The following DENND5A variants were observed in gnomAD, a reference collection of about 807,000 sequenced individuals.
The protein encoded by DENND5A is DENN domain containing 5A, also known as DENN domain-containing protein 5A.
In DENND5A, 64 loss-of-function variants were observed where a neutral mutation model predicts 140.3. That is an observed-to-expected ratio of 0.46 (90% CI 0.37 to 0.56). DENND5A has a LOEUF of 0.56. DENND5A is among the 20% of genes least tolerant of loss of function. DENND5A has a pLI of 0.00. For missense variants in DENND5A, 1,292 were observed against 1,593.8 expected (o/e 0.81, Z 3.22); for synonymous variants, 605 against 607.7 (o/e 1.00, Z 0.07).
intron 5 of DENND5A, among the ~76,000 whole-genome samples, chr11:9,182,155 A>G (rs1848753128): frequency 6.6e-6 from 1 of 152,168 alleles, no homozygotes; most frequent in Non-Finnish European, 1.5e-5. Context: ...ATCTCTGCTA[A>G]AAGTACAAAA....
At chr11:9,140,116 C>T (rs1847188264) in intron 22 of DENND5A, 2 of 1,421,384 alleles carry the variant, frequency 1.4e-6, no homozygotes, top group South Asian at 2.5e-5. Flanking sequence ...CCTAGTCAGC[C>T]CCACCACTGG....
Position 9,193,676 on chromosome 11 carries a change from G to A in DENND5A, c.955C>T (p.Gln319Ter), listed in dbSNP as rs915371303. ...FQILLYSQHY[Q>*]RLMTVAETIT... ...GTCTCCGCCACAGTCATCAGTCTCT[G>A]GTAATCTGGGTCAACAACAACAAAA... The change falls in exon 5 of 23, where the codon CAG (glutamine) becomes TAG (stop). Residue 319 changes from glutamine to a stop codon, truncating the protein, a stop_gained. Transcript: ENST00000328194. LOFTEE classifies it high-confidence loss of function. 1 of 1,604,018 alleles carries A rather than the reference G, an allele frequency of 6.2e-7. No individual in the cohort carries two copies. The highest frequency in any genetic ancestry group is 1.3e-5 in the African/African-American group (1 of 74,416).
chr11:9,154,994 C>G (rs911413259), intron 12 of DENND5A, among the ~76,000 whole-genome samples: 48 of 151,874 alleles, frequency 3.2e-4, no homozygotes, highest in African/African-American at 1.1e-3. Flanking sequence ...TACTAAAATA[C>G]AAAAATTAGG....
intron 5 of DENND5A, among the ~76,000 whole-genome samples, chr11:9,181,796 C>T (rs1366476780): frequency 6.6e-6 from 1 of 152,056 alleles, no homozygotes; most frequent in Non-Finnish European, 1.5e-5. Context: ...GTGAAAAGAA[C>T]CCTAGGAGTG....
chr11:9,246,508 AG>A (rs1215857147), intron 1 of DENND5A, among the ~76,000 whole-genome samples: 1 of 149,754 alleles, frequency 6.7e-6, no homozygotes, highest in African/African-American at 2.5e-5. Context: ...GCTACTCAGG[AG>A]GCTGAGGCAG....
At chr11:9,175,485 A>C (rs1376108303) in intron 8 of DENND5A, 1 of 152,230 alleles carries the variant, frequency 6.6e-6, no homozygotes, top group Non-Finnish European at 1.5e-5. Flanking sequence ...ATATGTATGG[A>C]AATACAAAGA....
chr11:9,178,393 T>C (rs748476011), intron 7 of DENND5A, 27 bp from the exon 8 acceptor site: 5 of 1,437,726 alleles, frequency 3.5e-6, no homozygotes, highest in Middle Eastern at 2.0e-4. Flanking sequence ...GAAGCAGTAA[T>C]TGACAGGGAA....
At chr11:9,251,049 C>T (rs915143604) in intron 1 of DENND5A, among the ~76,000 whole-genome samples, 1 of 150,974 alleles carries the variant, frequency 6.6e-6, no homozygotes, top group African/African-American at 2.4e-5. Context: ...GCAGGAGAAT[C>T]GCTTGAACCC....
At chr11:9,170,798 A>G (rs1435728419) in intron 8 of DENND5A, 21 bp from the exon 9 acceptor site, 1 of 1,604,870 alleles carries the variant, frequency 6.2e-7, no homozygotes, top group Admixed American at 1.7e-5. Context: ...ATACACACAC[A>G]CACACACACA....
intron 1 of DENND5A, among the ~76,000 whole-genome samples, chr11:9,258,563 A>G (rs1852053120): frequency 1.3e-5 from 2 of 152,122 alleles, no homozygotes; most frequent in South Asian, 4.2e-4. Context: ...TTGCTATTGC[A>G]CACACAGTAT....
At chr11:9,188,371 T>A (rs1012422751) in intron 5 of DENND5A, among the ~76,000 whole-genome samples, 33 of 152,156 alleles carry the variant, frequency 2.2e-4, no homozygotes, top group African/African-American at 7.5e-4. Context: ...ATCAGCAACA[T>A]GAGAAAAGAC....
intron 1 of DENND5A, among the ~76,000 whole-genome samples, chr11:9,210,311 T>C (rs188350426): frequency 5.9e-5 from 9 of 152,254 alleles, no homozygotes; most frequent in Admixed American, 1.3e-4. Context: ...GTTCAACACA[T>C]ATAGATTATA....
At chr11:9,249,610 G>A (rs530677727) in intron 1 of DENND5A, among the ~76,000 whole-genome samples, 27 of 152,098 alleles carry the variant, frequency 1.8e-4, no homozygotes, top group African/African-American at 5.8e-4. Flanking sequence ...GTGCAATGGC[G>A]CAATCTCAGC....
rs749979036 is a variant in DENND5A, at chr11:9,209,976, G to A, written c.110-2344C>T. 2.6e-5 allele frequency among the ~76,000 whole-genome samples: 4 copies of A among 151,884 alleles called. No homozygotes were observed. The South Asian group carries it at 6.2e-4, about 24-fold the overall frequency. On this transcript the variant is annotated intron_variant, in intron 1 of 22. Coordinates refer to ENST00000328194, the MANE Select transcript of DENND5A (RefSeq NM_015213.4). ...ACAAAAATTAGCCAGGCGTAGTGGC[G>A]GACACCTGTAATCCCAGCTAACTGG...
chr11:9,205,317 C>T (rs1849658780), intron 3 of DENND5A, among the ~76,000 whole-genome samples: 2 of 152,104 alleles, frequency 1.3e-5, no homozygotes, highest in Non-Finnish European at 2.9e-5. Flanking sequence ...TTACATGAAC[C>T]TGGCTATACA....
chr11:9,243,604 C>T (rs1438457189), intron 1 of DENND5A, among the ~76,000 whole-genome samples: 1 of 151,920 alleles, frequency 6.6e-6, no homozygotes. Flanking sequence ...ATTTTATTTC[C>T]CAGCCAGGCA....
intron 1 of DENND5A, among the ~76,000 whole-genome samples, chr11:9,257,838 G>T (rs1018895440): frequency 1.3e-5 from 2 of 149,814 alleles, no homozygotes; most frequent in Non-Finnish European, 3.0e-5. Flanking sequence ...TGTTGCCCAG[G>T]CCAGAGTGCA....
intron 4 of DENND5A, among the ~76,000 whole-genome samples, chr11:9,195,229 C>T (rs570597393): frequency 2.0e-5 from 3 of 151,622 alleles, no homozygotes; most frequent in Admixed American, 6.6e-5. Flanking sequence ...TACAGGCATG[C>T]GCCACCACCC....
At chr11:9,205,107 T>C (rs1193951314) in intron 3 of DENND5A, among the ~76,000 whole-genome samples, 1 of 152,200 alleles carries the variant, frequency 6.6e-6, no homozygotes, top group African/African-American at 2.4e-5. Flanking sequence ...GTAAATAGTA[T>C]TGGACTATCA....
Sources: allele counts gnomAD v4.1 joint callset (sites outside exome capture counted in the v4.1 genomes callset), GRCh38; gene constraint gnomAD v4.1.1; transcripts MANE v1.5; gene names NCBI Gene and HGNC (gene_info 2026-07-23, HGNC 2026-07-21).